The following DCC variants were observed in gnomAD, a reference collection of about 807,000 sequenced individuals.
The protein encoded by DCC is DCC netrin 1 receptor.
Under a neutral mutation model 172.5 loss-of-function variants are expected in DCC, and 58 were observed. The ratio of observed to expected loss-of-function variants is 0.34; its 90% CI spans 0.27 to 0.42. The LOEUF (loss-of-function observed/expected upper bound fraction) is 0.42, where lower values mean the gene tolerates loss of function less well. Among genes scored for constraint, DCC ranks in the 10% least tolerant of loss-of-function variants. The pLI, the probability that DCC is intolerant of heterozygous loss-of-function variation, is 1.00. For synonymous variants in DCC, 709 were observed against 644.5 expected (o/e 1.10, Z -1.52); for missense variants, 1,740 against 1,791.0 (o/e 0.97, Z 0.51).
At chr18:52,722,510 T>C (rs2036487858) in intron 1 of DCC, among the ~76,000 whole-genome samples, 1 of 152,220 alleles carries the variant, frequency 6.6e-6, no homozygotes, top group Non-Finnish European at 1.5e-5. Flanking sequence ...TAATTTCCAC[T>C]CTCCCAACCC....
intron 21 of DCC, among the ~76,000 whole-genome samples, chr18:53,432,569 A>G (rs1911685629): frequency 1.3e-5 from 2 of 152,160 alleles, no homozygotes; most frequent in African/African-American, 4.8e-5. Context: ...AAATTAACCA[A>G]GGTAACTAAA....
intron 4 of DCC, among the ~76,000 whole-genome samples, chr18:52,924,127 A>G (rs1490995791): frequency 6.6e-6 from 1 of 152,086 alleles, no homozygotes; most frequent in East Asian, 1.9e-4. Flanking sequence ...CTGTCCAAAG[A>G]GTCTTCAGCA....
chr18:53,388,898 C>T (rs1375870738), intron 16 of DCC, among the ~76,000 whole-genome samples: 3 of 152,138 alleles, frequency 2.0e-5, no homozygotes, highest in Admixed American at 6.5e-5. Context: ...GATCCTCCCA[C>T]CTAAGTCTCC....
At chr18:53,058,306 A>G (rs1429785159) in intron 5 of DCC, among the ~76,000 whole-genome samples, 1 of 152,134 alleles carries the variant, frequency 6.6e-6, no homozygotes, top group Non-Finnish European at 1.5e-5. Flanking sequence ...TTGAGCAGGG[A>G]AGTTTTTAAC....
At chr18:52,610,165 A>C (rs1568254034) in intron 1 of DCC, among the ~76,000 whole-genome samples, 1 of 22,916 alleles carries the variant, frequency 4.4e-5, no homozygotes, top group African/African-American at 2.1e-4. Flanking sequence ...AAAAAAAAAA[A>C]AAAAAAAAAA....
At chr18:52,695,347 T>C (rs1243486134) in intron 1 of DCC, among the ~76,000 whole-genome samples, 1 of 152,232 alleles carries the variant, frequency 6.6e-6, no homozygotes, top group Admixed American at 6.5e-5. Flanking sequence ...GTTAGGACTT[T>C]TCCAGCCTCC....
chr18:52,420,931 G>A (rs1598804871), intron 1 of DCC, among the ~76,000 whole-genome samples: 1 of 152,062 alleles, frequency 6.6e-6, no homozygotes, highest in Non-Finnish European at 1.5e-5. Context: ...CAGGATTTAA[G>A]GACTTATTCA....
At position 53,530,990 on chromosome 18, in the gene DCC, A is replaced by G; in HGVS notation, c.*337A>G. The G allele has an allele frequency of 2.5e-6, 1 of 407,050 alleles. No individual in the cohort carries two copies. 25.2% of individuals were successfully genotyped at this position (407,050 alleles called of 1,614,324 possible). ...CTAATACCTATGTTTTCCTTTGTCA[A>G]GGCCTGTTGTTTAATGTGTAGGTCT... On this transcript the variant is annotated 3_prime_UTR_variant, in exon 29 of 29. Transcript: ENST00000442544.
At chr18:52,944,457 A>G (rs1292401570) in intron 5 of DCC, among the ~76,000 whole-genome samples, 1 of 152,208 alleles carries the variant, frequency 6.6e-6, no homozygotes, top group Non-Finnish European at 1.5e-5. Context: ...TAAAGGCACA[A>G]TATTTGTCCG....
At chr18:52,507,011 C>T (rs113312268) in intron 1 of DCC, among the ~76,000 whole-genome samples, 2,456 of 152,108 alleles carry the variant, frequency 0.016, 34 homozygotes, top group Admixed American at 0.038. Context: ...TAAAAGAGAG[C>T]TTTGGAATGA....
rs534129649 is a variant in DCC, at chr18:52,391,875, C to T, written c.91+50997C>T. Among the ~76,000 whole-genome samples, 22 of 152,236 alleles carry T rather than the reference C, an allele frequency of 1.4e-4. No individual in the cohort carries two copies. In the South Asian group the frequency reaches 2.3e-3, roughly 16 times the overall value. ...GCTTTTCTACCAAATCTTTGGAAGG[C>T]GTCTTACAGTTGCATGGCTGGGAGA... is the stretch of plus-strand genomic sequence containing the variant. On this transcript the variant is annotated intron_variant, in intron 1 of 28. Transcript: ENST00000442544.
At chr18:53,510,773 G>A (rs769606623) in intron 27 of DCC, among the ~76,000 whole-genome samples, 2 of 152,094 alleles carry the variant, frequency 1.3e-5, no homozygotes, top group Non-Finnish European at 2.9e-5. Flanking sequence ...AAGACAGCAG[G>A]AATATGCTGA....
intron 1 of DCC, among the ~76,000 whole-genome samples, chr18:52,579,149 T>A (rs2033486775): frequency 1.3e-5 from 2 of 152,248 alleles, no homozygotes; most frequent in African/African-American, 2.4e-5. Flanking sequence ...AAAATAAGAA[T>A]AAATTGATTT....
chr18:53,037,702 A>T (rs1160479673), intron 5 of DCC, among the ~76,000 whole-genome samples: 1 of 152,042 alleles, frequency 6.6e-6, no homozygotes, highest in African/African-American at 2.4e-5. Context: ...ATGCTATCTG[A>T]AAGCCCGGTC....
chr18:52,427,564 TA>T (rs1282680326), intron 1 of DCC, among the ~76,000 whole-genome samples: 12 of 152,082 alleles, frequency 7.9e-5, no homozygotes, highest in Admixed American at 6.6e-4. Flanking sequence ...TGAAGACAAA[TA>T]TACTCCCAAT....
chr18:52,892,878 C>A (rs114095860), intron 2 of DCC, among the ~76,000 whole-genome samples: 2,612 of 152,190 alleles, frequency 0.017, 55 homozygotes, highest in African/African-American at 0.046. Context: ...CCAGTAGGTA[C>A]TTCCAAATTG....
intron 9 of DCC, among the ~76,000 whole-genome samples, chr18:53,194,770 C>T: frequency 6.6e-6 from 1 of 152,088 alleles, no homozygotes; most frequent in East Asian, 1.9e-4. Context: ...ACGCCCGGCC[C>T]AGGTTTGGTT....
intron 1 of DCC, among the ~76,000 whole-genome samples, chr18:52,577,192 A>G (rs561520708): frequency 1.3e-5 from 2 of 152,346 alleles, no homozygotes; most frequent in East Asian, 3.9e-4. Context: ...AGCAAATGGC[A>G]GTTCCTATTT....
At chr18:52,484,130 A>G (rs908909834) in intron 1 of DCC, among the ~76,000 whole-genome samples, 5 of 152,138 alleles carry the variant, frequency 3.3e-5, no homozygotes, top group Non-Finnish European at 5.9e-5. Context: ...TCAAGAAGCC[A>G]ACCTTATGAC....
Sources: allele counts gnomAD v4.1 joint callset (sites outside exome capture counted in the v4.1 genomes callset), GRCh38; gene constraint gnomAD v4.1.1; transcripts MANE v1.5; gene names NCBI Gene and HGNC (gene_info 2026-07-23, HGNC 2026-07-21).